NCEH1: variants seen among roughly 807,000 people sequenced by gnomAD.
NCEH1 encodes the protein neutral cholesterol ester hydrolase 1, also known as 2-acetyl MAGE hydrolase.
NCEH1 carries 9 observed loss-of-function variants against 25.4 expected under a neutral mutation model. The ratio of observed to expected loss-of-function variants is 0.35; its 90% CI spans 0.21 to 0.62. NCEH1 has a LOEUF of 0.62. Ranked by LOEUF, NCEH1 falls within the 20% of genes least tolerant of loss-of-function variation. The probability of loss-of-function intolerance (pLI) is 0.72; values close to 1 mark genes in which losing one functional copy is unlikely to be tolerated. For synonymous variants in NCEH1, 200 were observed against 199.8 expected, an observed-to-expected ratio of 1.00 and a Z score of -0.01; for missense variants, 412 against 501.1, an observed-to-expected ratio of 0.82 and a Z score of 1.70.
Position 172,653,752 on chromosome 3 carries a change from GT to G in NCEH1, c.139-5639del, listed in dbSNP as rs375874414. ...GTTGTTCTGTTTTTTTTGTTTTTTT[GT>G]TTTTTTGTTTTTTTTTTTTTTTGAG... On this transcript the variant is annotated intron_variant, in intron 1 of 4. Transcript: ENST00000475381. Among the ~76,000 whole-genome samples, 18 of 83,842 alleles carry G rather than the reference GT, an allele frequency of 2.1e-4. 1 individual carries two copies. Among genetic ancestry groups the G allele is most frequent in the African/African-American group, 5.0e-4 (12 of 23,884 alleles). The allele number at this position is 83,842 out of a possible 152,430, so 55.0% of individuals were successfully genotyped here.
intron 1 of NCEH1, among the ~76,000 whole-genome samples, chr3:172,651,956 G>A (rs2108499674): frequency 6.6e-6 from 1 of 152,338 alleles, no homozygotes; most frequent in Middle Eastern, 3.4e-3. Context: ...GATGGTAGAA[G>A]AGGGGAAGAG....
At position 172,662,993 on chromosome 3, in the gene NCEH1, C is replaced by T. The variant is rs184581078; in HGVS notation, c.139-14879G>A. Among the ~76,000 whole-genome samples, 74 of 152,142 alleles carry T rather than the reference C, an allele frequency of 4.9e-4. No homozygotes were observed. In the East Asian group the frequency reaches 0.013, roughly 27 times the overall value. ...CTGCTATGATCTTAGTTATTTATTG[C>T]CTTCTGCTAGCTTTTGAATGTGTTT... On this transcript the variant is annotated intron_variant, in intron 1 of 4. Transcript: ENST00000475381.
At chr3:172,689,183 A>C (rs1022782164) in intron 1 of NCEH1, among the ~76,000 whole-genome samples, 4 of 151,926 alleles carry the variant, frequency 2.6e-5, no homozygotes, top group African/African-American at 9.7e-5. Flanking sequence ...CATTTTGTTC[A>C]TAACAAGCAA....
chr3:172,652,924 T>TC (rs1170581829), intron 1 of NCEH1, among the ~76,000 whole-genome samples: 1 of 151,930 alleles, frequency 6.6e-6, no homozygotes, highest in Admixed American at 6.6e-5. Context: ...AGGCTGGTCT[T>TC]GAACTCCTGA....
chr3:172,707,664 C>A (rs1251066066), intron 1 of NCEH1, among the ~76,000 whole-genome samples: 1 of 152,160 alleles, frequency 6.6e-6, no homozygotes, highest in Non-Finnish European at 1.5e-5. Flanking sequence ...CGGCCCACTG[C>A]AAGCTCCACC....
At chr3:172,674,022 C>A (rs1711798743) in intron 1 of NCEH1, among the ~76,000 whole-genome samples, 1 of 152,152 alleles carries the variant, frequency 6.6e-6, no homozygotes, top group Admixed American at 6.5e-5. Flanking sequence ...AAGCATGTAA[C>A]CTCTCTAAGC....
At position 172,648,043 on chromosome 3, in the gene NCEH1, G is replaced by C. The variant is rs1320664409; in HGVS notation, c.210C>G (p.Gly70=). Residue 70 remains glycine, a synonymous_variant, in exon 2 of 5, where the codon GGC becomes GGG. Transcript: ENST00000475381. The part of the protein sequence containing the change: ...LALNFIIVSF[G]KKSAWSSAQV... ...GGGCAGAAGACCACGCGCTTTTTTT[G>C]CCAAAAGAAACAATGATAAAATTCA... The C allele has an allele frequency of 1.5e-5, 24 of 1,614,018 alleles. No individual in the cohort carries two copies. The highest frequency in any genetic ancestry group is 1.9e-5 in the Non-Finnish European group (22 of 1,179,986).
chr3:172,669,945 T>TTACC (rs1711519691), intron 1 of NCEH1, among the ~76,000 whole-genome samples: 1 of 152,192 alleles, frequency 6.6e-6, no homozygotes, highest in African/African-American at 2.4e-5. Context: ...TTTCAAAGCA[T>TTACC]TACCAATGAA....
intron 3 of NCEH1, among the ~76,000 whole-genome samples, chr3:172,639,311 A>AAG: frequency 6.6e-6 from 1 of 152,092 alleles, no homozygotes; most frequent in African/African-American, 2.4e-5. Context: ...AAAAAAAAAA[A>AAG]AAATGGAGAC....
intron 1 of NCEH1, among the ~76,000 whole-genome samples, chr3:172,703,385 G>A (rs982945702): frequency 7.9e-5 from 12 of 151,850 alleles, no homozygotes; most frequent in Middle Eastern, 3.4e-3. Flanking sequence ...AAAATTAGCC[G>A]GGCATCATGG....
intron 1 of NCEH1, among the ~76,000 whole-genome samples, chr3:172,701,606 T>C (rs6445078): frequency 0.37 from 54,889 of 146,814 alleles, 10,565 homozygotes; most frequent in Non-Finnish European, 0.42. Flanking sequence ...CGTGCCACCA[T>C]GCCCAGCTAG....
intron 3 of NCEH1, among the ~76,000 whole-genome samples, chr3:172,638,619 C>T (rs1716710850): frequency 6.6e-6 from 1 of 152,008 alleles, no homozygotes; most frequent in Non-Finnish European, 1.5e-5. Flanking sequence ...AACAAATGTA[C>T]TTCATGACTC....
rs146923940 is a variant in NCEH1, at chr3:172,674,443, C to CAAAA, written c.139-26333_139-26330dup. 1.7e-4 allele frequency among the ~76,000 whole-genome samples: 12 copies of CAAAA among 71,040 alleles called. 1 individual carries two copies. The highest frequency in any genetic ancestry group is 7.9e-4 in the Admixed American group (5 of 6,322). 46.6% of individuals were successfully genotyped at this position (71,040 alleles called of 152,430 possible). A position where few individuals can be genotyped will look rare whatever the true frequency, so the allele number is the denominator to read the frequency against. ...CGGCGACTGGGAGAGACTCTGTCTC[C>CAAAA]AAAAAAAAAAAAAAAAAAAAAAAGT... On this transcript the variant is annotated intron_variant, in intron 1 of 4. Transcript: ENST00000475381.
intron 1 of NCEH1, among the ~76,000 whole-genome samples, chr3:172,688,130 T>C (rs933184231): frequency 1.4e-4 from 21 of 151,172 alleles, no homozygotes; most frequent in African/African-American, 4.9e-4. Flanking sequence ...AGGTCAGGAG[T>C]TCGTGACCTG....
At chr3:172,660,372 T>C (rs1026331371) in intron 1 of NCEH1, among the ~76,000 whole-genome samples, 24 of 152,178 alleles carry the variant, frequency 1.6e-4, no homozygotes, top group African/African-American at 5.3e-4. Context: ...ATCCAGTCTA[T>C]CATTGATGGA....
chr3:172,653,509 TGTTA>T, intron 1 of NCEH1, among the ~76,000 whole-genome samples: 1 of 152,198 alleles, frequency 6.6e-6, no homozygotes, highest in South Asian at 2.1e-4. Context: ...GAATAGCTGA[TGTTA>T]GTTAGCTAAG....
At chr3:172,683,005 T>C (rs1239483479) in intron 1 of NCEH1, among the ~76,000 whole-genome samples, 1 of 152,220 alleles carries the variant, frequency 6.6e-6, no homozygotes, top group African/African-American at 2.4e-5. Context: ...GATTTAAGTT[T>C]GCTCGCATTA....
chr3:172,650,890 T>C (rs1717372414), intron 1 of NCEH1, among the ~76,000 whole-genome samples: 1 of 149,354 alleles, frequency 6.7e-6, no homozygotes, highest in Non-Finnish European at 1.5e-5. Context: ...GGTAGGTAGA[T>C]GAGTAGAAAA....
intron 1 of NCEH1, among the ~76,000 whole-genome samples, chr3:172,668,378 A>ATT: frequency 1.7e-5 from 1 of 57,732 alleles, no homozygotes; most frequent in Admixed American, 2.1e-4. Flanking sequence ...TTTTTTTGAG[A>ATT]GAGTCTCGCT....
Sources: allele counts gnomAD v4.1 joint callset (sites outside exome capture counted in the v4.1 genomes callset), GRCh38; gene constraint gnomAD v4.1.1; transcripts MANE v1.5; gene names NCBI Gene and HGNC (gene_info 2026-07-23, HGNC 2026-07-21).